FHOD3: variants seen among roughly 807,000 people sequenced by gnomAD.
The protein encoded by FHOD3 is FH1/FH2 domain-containing protein 3.
In FHOD3, 90 loss-of-function variants were observed where a neutral mutation model predicts 173.0. The observed-to-expected ratio is 0.52, with a 90% confidence interval of 0.44 to 0.62. The LOEUF (loss-of-function observed/expected upper bound fraction) is 0.62, where lower values mean the gene tolerates loss of function less well. Among genes scored for constraint, FHOD3 ranks in the 20% least tolerant of loss-of-function variants. FHOD3 has a pLI of 0.00. For missense variants in FHOD3, 1,945 were observed against 2,034.7 expected (o/e 0.96, Z 0.85); for synonymous variants, 828 against 823.0 (o/e 1.01, Z -0.10).
chr18:36,386,325 T>C (rs1039282565), intron 3 of FHOD3, among the ~76,000 whole-genome samples: 1 of 152,008 alleles, frequency 6.6e-6, no homozygotes, highest in Admixed American at 6.6e-5. Context: ...GGTGCTGGGG[T>C]TGGCAAGGGT....
intron 3 of FHOD3, among the ~76,000 whole-genome samples, chr18:36,467,250 C>T (rs2052997470): frequency 6.6e-6 from 1 of 152,188 alleles, no homozygotes; most frequent in Non-Finnish European, 1.5e-5. Flanking sequence ...CTTCCAGTCA[C>T]CTCCTAGTAA....
At chr18:36,466,360 A>G (rs1258052081) in intron 3 of FHOD3, among the ~76,000 whole-genome samples, 1 of 152,224 alleles carries the variant, frequency 6.6e-6, no homozygotes, top group Non-Finnish European at 1.5e-5. Context: ...ATTTCTCTGC[A>G]GGAGACAAGC....
chr18:36,495,264 C>T (rs1358013511), intron 3 of FHOD3, among the ~76,000 whole-genome samples: 1 of 152,070 alleles, frequency 6.6e-6, no homozygotes, highest in East Asian at 1.9e-4. Context: ...TTGACATTCA[C>T]CAGGAAGGGA....
intron 5 of FHOD3, among the ~76,000 whole-genome samples, chr18:36,556,227 C>T (rs2057877801): frequency 6.6e-6 from 1 of 152,002 alleles, no homozygotes; most frequent in African/African-American, 2.4e-5. Context: ...GTACAGTTGA[C>T]CCTTGAACAA....
chr18:36,710,324 C>G (rs1174440939), intron 18 of FHOD3: 1 of 152,208 alleles, frequency 6.6e-6, no homozygotes, highest in Non-Finnish European at 1.5e-5. Flanking sequence ...GCCAGCCTTT[C>G]TTAAGCTACA....
At chr18:36,755,396 GCTT>G in intron 25 of FHOD3, 85 bp downstream of exon 25, 2 of 268,578 alleles carry the variant, frequency 7.4e-6, no homozygotes, top group East Asian at 1.0e-4. Context: ...TAAAAGCTGT[GCTT>G]TTTTTTTTTT....
At chr18:36,624,491 A>G (rs918863552) in intron 9 of FHOD3, among the ~76,000 whole-genome samples, 4 of 152,166 alleles carry the variant, frequency 2.6e-5, no homozygotes, top group African/African-American at 4.8e-5. Context: ...CTGGCTACGA[A>G]GAGTCATCAT....
intron 5 of FHOD3, among the ~76,000 whole-genome samples, chr18:36,533,075 G>A (rs2056853088): frequency 6.6e-6 from 1 of 152,162 alleles, no homozygotes; most frequent in Admixed American, 6.5e-5. Flanking sequence ...GCTTCCTCGA[G>A]GCCACAGACA....
At chr18:36,476,084 T>G (rs888319072) in intron 3 of FHOD3, among the ~76,000 whole-genome samples, 2 of 152,244 alleles carry the variant, frequency 1.3e-5, no homozygotes, top group Non-Finnish European at 2.9e-5. Context: ...TTCATTTGTT[T>G]ACTCATTCAT....
At chr18:36,322,390 G>C (rs536174601) in intron 1 of FHOD3, among the ~76,000 whole-genome samples, 115 of 152,300 alleles carry the variant, frequency 7.6e-4, no homozygotes, top group Non-Finnish European at 3.7e-4. Context: ...CAGAAGGGCA[G>C]TAAGTTGTCT....
rs952369301 is a variant in FHOD3, at chr18:36,522,620, G to A, written c.511+10077G>A. 5.3e-5 allele frequency among the ~76,000 whole-genome samples: 8 copies of A among 152,172 alleles called. No homozygotes were observed. In the South Asian group the frequency reaches 1.7e-3, roughly 32 times the overall value. ...ATGGACTGTGGATTTCTTGGAGATG[G>A]GAGTAGTATCATCACAACCTTTGCA... is the stretch of plus-strand genomic sequence containing the variant. On this transcript the variant is annotated intron_variant, in intron 5 of 28. Coordinates refer to ENST00000590592, the MANE Select transcript of FHOD3 (RefSeq NM_001281740.3).
chr18:36,379,442 C>T (rs1421402595), intron 3 of FHOD3, among the ~76,000 whole-genome samples: 5 of 152,066 alleles, frequency 3.3e-5, no homozygotes, highest in African/African-American at 9.7e-5. Flanking sequence ...CTAGGGATCT[C>T]GAGGTGTTGG....
intron 14 of FHOD3, among the ~76,000 whole-genome samples, chr18:36,678,666 T>G (rs1011763188): frequency 1.0e-4 from 14 of 138,138 alleles, no homozygotes; most frequent in African/African-American, 1.8e-4. Flanking sequence ...TAGTAAAGGG[T>G]TTTTTTTTTT....
intron 5 of FHOD3, among the ~76,000 whole-genome samples, chr18:36,549,343 C>T (rs962008511): frequency 6.6e-6 from 1 of 151,898 alleles, no homozygotes; most frequent in Admixed American, 6.6e-5. Flanking sequence ...CTTAAATGTT[C>T]TAGATATAAG....
chr18:36,553,878 A>G (rs769177608), intron 5 of FHOD3, among the ~76,000 whole-genome samples: 28 of 152,372 alleles, frequency 1.8e-4, no homozygotes, highest in Admixed American at 1.2e-3. Flanking sequence ...CAAGAAACAT[A>G]TGAAAAAATG....
At chr18:36,563,656 T>A (rs1053141416) in intron 5 of FHOD3, among the ~76,000 whole-genome samples, 2 of 152,214 alleles carry the variant, frequency 1.3e-5, no homozygotes, top group African/African-American at 4.8e-5. Context: ...CAAACCAGCT[T>A]CTCCGTGGGT....
At chr18:36,734,453 G>T (rs1300297792) in intron 20 of FHOD3, among the ~76,000 whole-genome samples, 1 of 152,098 alleles carries the variant, frequency 6.6e-6, no homozygotes, top group African/African-American at 2.4e-5. Flanking sequence ...CTGGTTGAGA[G>T]CCCCTGATCT....
At chr18:36,598,056 G>T (rs2030767503) in intron 7 of FHOD3, among the ~76,000 whole-genome samples, 1 of 152,158 alleles carries the variant, frequency 6.6e-6, no homozygotes, top group Non-Finnish European at 1.5e-5. Context: ...CATCTAGTGG[G>T]TTTAGAAGCA....
chr18:36,704,810 C>A (rs74975248), intron 17 of FHOD3, among the ~76,000 whole-genome samples: 385 of 152,304 alleles, frequency 2.5e-3, no homozygotes, highest in Non-Finnish European at 4.5e-3. Context: ...AGCAGCCCTG[C>A]GGAACTCCCT....
Sources: allele counts gnomAD v4.1 joint callset (sites outside exome capture counted in the v4.1 genomes callset), GRCh38; gene constraint gnomAD v4.1.1; transcripts MANE v1.5; gene names NCBI Gene and HGNC (gene_info 2026-07-23, HGNC 2026-07-21).